The following MYO1D variants were observed in gnomAD, a reference collection of about 807,000 sequenced individuals.
MYO1D encodes unconventional myosin-Id.
In MYO1D, 83 loss-of-function variants were observed where a neutral mutation model predicts 122.0. The observed-to-expected ratio is 0.68, with a 90% CI of 0.57 to 0.82. The LOEUF is 0.82. Among genes scored for constraint, MYO1D ranks in the 40% least tolerant of loss-of-function variants. The probability of loss-of-function intolerance (pLI) is 0.00; values close to 1 mark genes in which losing one functional copy is unlikely to be tolerated. For missense variants in MYO1D, 1,157 were observed against 1,269.5 expected (o/e 0.91, Z 1.35); for synonymous variants, 464 against 446.9 (o/e 1.04, Z -0.48).
intron 14 of MYO1D, among the ~76,000 whole-genome samples, chr17:32,735,073 T>G (rs1036315867): frequency 7.7e-6 from 1 of 130,580 alleles, no homozygotes; most frequent in Admixed American, 8.1e-5. Flanking sequence ...AAAGCAAGAT[T>G]CCATCTGAAC....
At chr17:32,596,769 C>T (rs2087497204) in intron 21 of MYO1D, among the ~76,000 whole-genome samples, 1 of 152,242 alleles carries the variant, frequency 6.6e-6, no homozygotes, top group African/African-American at 2.4e-5. Context: ...TCCAGACAGG[C>T]AAATGCCTGG....
At chr17:32,644,914 T>G (rs2088265705) in intron 19 of MYO1D, among the ~76,000 whole-genome samples, 1 of 152,220 alleles carries the variant, frequency 6.6e-6, no homozygotes, top group South Asian at 2.1e-4. Flanking sequence ...ATATTTACAT[T>G]TAAGGTTAAT....
intron 1 of MYO1D, among the ~76,000 whole-genome samples, chr17:32,874,666 T>A (rs975253346): frequency 1.3e-5 from 2 of 152,204 alleles, no homozygotes; most frequent in African/African-American, 2.4e-5. Flanking sequence ...CTCACACCTA[T>A]AATCCTAGTG....
chr17:32,764,639 C>T (rs771362176), intron 8 of MYO1D, among the ~76,000 whole-genome samples: 6 of 152,170 alleles, frequency 3.9e-5, no homozygotes, highest in Non-Finnish European at 5.9e-5. Context: ...AGAAGCAGCA[C>T]GTGAAGCCCT....
chr17:32,591,080 C>T (rs1211928126), intron 21 of MYO1D, among the ~76,000 whole-genome samples: 1 of 152,214 alleles, frequency 6.6e-6, no homozygotes, highest in African/African-American at 2.4e-5. Context: ...GCAGGTAAAG[C>T]TGAGGATGAC....
chr17:32,647,638 C>T (rs940072690), intron 19 of MYO1D, among the ~76,000 whole-genome samples: 1 of 151,258 alleles, frequency 6.6e-6, no homozygotes, highest in Non-Finnish European at 1.5e-5. Context: ...GACTCACTGA[C>T]ATGGTACATT....
At chr17:32,793,879 G>A (rs946064438) in intron 1 of MYO1D, among the ~76,000 whole-genome samples, 3 of 152,220 alleles carry the variant, frequency 2.0e-5, no homozygotes, top group African/African-American at 7.2e-5. Flanking sequence ...GTTACAAGAA[G>A]TGAGATACTC....
intron 1 of MYO1D, among the ~76,000 whole-genome samples, chr17:32,832,419 C>G (rs1204020931): frequency 6.6e-6 from 1 of 152,076 alleles, no homozygotes; most frequent in Non-Finnish European, 1.5e-5. Context: ...CCTGCCTCAG[C>G]CTCCCGAGTA....
chr17:32,741,832 T>G (rs1023954772), intron 13 of MYO1D, among the ~76,000 whole-genome samples: 3 of 151,790 alleles, frequency 2.0e-5, no homozygotes, highest in African/African-American at 7.3e-5. Flanking sequence ...GCTAACACAG[T>G]GAAACCCCGT....
chr17:32,818,939 T>C (rs1325292462), intron 1 of MYO1D, among the ~76,000 whole-genome samples: 1 of 152,180 alleles, frequency 6.6e-6, no homozygotes, highest in Admixed American at 6.6e-5. Flanking sequence ...TAAAAGAGAA[T>C]TCTACTAGAG....
At chr17:32,716,608 T>C (rs1258807162) in intron 15 of MYO1D, among the ~76,000 whole-genome samples, 1 of 152,166 alleles carries the variant, frequency 6.6e-6, no homozygotes, top group Non-Finnish European at 1.5e-5. Flanking sequence ...CCAAACAATG[T>C]CACATGAAAA....
intron 10 of MYO1D, among the ~76,000 whole-genome samples, chr17:32,758,436 A>C (rs1034934299): frequency 6.6e-6 from 1 of 152,196 alleles, no homozygotes; most frequent in African/African-American, 2.4e-5. Flanking sequence ...ATTTTTGTTA[A>C]TGTTTTAGGT....
chr17:32,790,260 A>G (rs921068620), intron 1 of MYO1D, among the ~76,000 whole-genome samples: 1 of 152,170 alleles, frequency 6.6e-6, no homozygotes, highest in Non-Finnish European at 1.5e-5. Flanking sequence ...AATCTTTTCA[A>G]TGGGAAACTT....
At chr17:32,517,938 C>T (rs1175129688) in intron 21 of MYO1D, among the ~76,000 whole-genome samples, 1 of 152,120 alleles carries the variant, frequency 6.6e-6, no homozygotes, top group Non-Finnish European at 1.5e-5. Context: ...CTCCTGCCAC[C>T]CCGGCTCTCC....
intron 21 of MYO1D, among the ~76,000 whole-genome samples, chr17:32,553,098 CAAAACAAAAAAA>C (rs2087034329): frequency 9.1e-6 from 1 of 110,110 alleles, no homozygotes; most frequent in Non-Finnish European, 1.8e-5. Flanking sequence ...AAACAAAAAA[CAAAACAAAAAAA>C]AAAACAAAAA....
At chr17:32,775,495 A>G (rs2090162868) in intron 4 of MYO1D, among the ~76,000 whole-genome samples, 1 of 152,192 alleles carries the variant, frequency 6.6e-6, no homozygotes, top group Non-Finnish European at 1.5e-5. Flanking sequence ...CTAGAAGAAA[A>G]TGAGATATCA....
At position 32,609,666 on chromosome 17, in the gene MYO1D, A is replaced by T. The variant is rs141610865; in HGVS notation, c.2710-4425T>A. Among the ~76,000 whole-genome samples, 4 of 152,316 alleles carry T rather than the reference A, an allele frequency of 2.6e-5. No individual in the cohort carries two copies. In the East Asian group the frequency reaches 7.7e-4, roughly 29 times the overall value. Reference sequence around the variant, plus strand: ...GTTTTTCAAGTATCATGTATAAATGAACATAGAATATTTATATATTCTATA... The same window carrying T: ...GTTTTTCAAGTATCATGTATAAATGTACATAGAATATTTATATATTCTATA... On this transcript the variant is annotated intron_variant, in intron 20 of 21. Coordinates refer to ENST00000318217, the MANE Select transcript of MYO1D (RefSeq NM_015194.3).
At chr17:32,515,393 G>C (rs1188382114) in intron 21 of MYO1D, among the ~76,000 whole-genome samples, 1 of 152,190 alleles carries the variant, frequency 6.6e-6, no homozygotes, top group Non-Finnish European at 1.5e-5. Flanking sequence ...TCCTGGTGAA[G>C]TCATCTTCCT....
At chr17:32,719,475 C>T (rs763717876) in intron 15 of MYO1D, among the ~76,000 whole-genome samples, 132 of 152,088 alleles carry the variant, frequency 8.7e-4, no homozygotes, top group Middle Eastern at 3.4e-3. Flanking sequence ...TCAGCCTCCC[C>T]GAGTAGCTGG....
Sources: allele counts gnomAD v4.1 joint callset (sites outside exome capture counted in the v4.1 genomes callset), GRCh38; gene constraint gnomAD v4.1.1; transcripts MANE v1.5; gene names NCBI Gene and HGNC (gene_info 2026-07-23, HGNC 2026-07-21).